The following NFIA variants were observed in gnomAD, a reference collection of about 807,000 sequenced individuals.
The protein encoded by NFIA is nuclear factor I A.
Under a neutral mutation model 62.8 loss-of-function variants are expected in NFIA, and 8 were observed. That is an observed-to-expected ratio of 0.13 (90% confidence interval 0.07 to 0.23). The LOEUF is 0.23. Among genes scored for constraint, NFIA ranks in the 10% least tolerant of loss-of-function variants. NFIA has a pLI of 1.00. For missense variants in NFIA, 410 were observed against 642.1 expected (o/e 0.64, Z 3.91); for synonymous variants, 235 against 238.1 (o/e 0.99, Z 0.12).
chr1:61,115,683 G>T (rs962104656), intron 2 of NFIA, among the ~76,000 whole-genome samples: 5 of 152,210 alleles, frequency 3.3e-5, no homozygotes, highest in Non-Finnish European at 5.9e-5. Flanking sequence ...AAGCACCCGT[G>T]CTTTACCTCG....
At chr1:61,321,129 A>G (rs1021477124) in intron 3 of NFIA, among the ~76,000 whole-genome samples, 1 of 151,888 alleles carries the variant, frequency 6.6e-6, no homozygotes, top group African/African-American at 2.4e-5. Context: ...TTAATTTTAA[A>G]ATATTAAGCT....
intron 2 of NFIA, among the ~76,000 whole-genome samples, chr1:61,187,424 A>G (rs1651272700): frequency 6.6e-6 from 1 of 151,980 alleles, no homozygotes; most frequent in South Asian, 2.1e-4. Flanking sequence ...TTTAAAAATT[A>G]CTCTTCTCGT....
At chr1:61,195,382 G>A (rs534112641) in intron 2 of NFIA, among the ~76,000 whole-genome samples, 12 of 152,060 alleles carry the variant, frequency 7.9e-5, no homozygotes, top group Admixed American at 5.9e-4. Flanking sequence ...CCAAGGAGCC[G>A]GAAGTCTTTC....
At chr1:61,176,424 TTCATC>T (rs1650350458) in intron 2 of NFIA, among the ~76,000 whole-genome samples, 1 of 152,208 alleles carries the variant, frequency 6.6e-6, no homozygotes, top group Non-Finnish European at 1.5e-5. Flanking sequence ...AGGTTCCCCT[TTCATC>T]TCAGCAGATG....
intron 2 of NFIA, among the ~76,000 whole-genome samples, chr1:61,177,585 A>G (rs1413037248): frequency 6.6e-6 from 1 of 152,140 alleles, no homozygotes; most frequent in Non-Finnish European, 1.5e-5. Flanking sequence ...AGATCCTCAG[A>G]TATGTTCTGA....
chr1:61,310,900 C>T (rs1370784825), intron 3 of NFIA, among the ~76,000 whole-genome samples: 1 of 152,054 alleles, frequency 6.6e-6, no homozygotes, highest in South Asian at 2.1e-4. Flanking sequence ...GGGTGGTGAG[C>T]CCACTGTGTG....
intron 2 of NFIA, among the ~76,000 whole-genome samples, chr1:61,134,381 A>G (rs1300111693): frequency 1.3e-5 from 2 of 151,942 alleles, no homozygotes; most frequent in Non-Finnish European, 2.9e-5. Flanking sequence ...CTCTGTTCTT[A>G]CTAAGCCTCT....
chr1:61,412,817 G>A (rs962133683), intron 9 of NFIA, among the ~76,000 whole-genome samples: 7 of 152,112 alleles, frequency 4.6e-5, no homozygotes, highest in African/African-American at 1.7e-4. Flanking sequence ...TCTGGCATGG[G>A]ACAAAGCTTT....
intron 2 of NFIA, among the ~76,000 whole-genome samples, chr1:61,208,967 G>A (rs1653066155): frequency 1.3e-5 from 2 of 152,142 alleles, no homozygotes; most frequent in Admixed American, 1.3e-4. Flanking sequence ...AACAGTAACA[G>A]CCCCTTTAAT....
intron 10 of NFIA, among the ~76,000 whole-genome samples, chr1:61,448,150 C>T (rs945750731): frequency 6.6e-6 from 1 of 152,076 alleles, no homozygotes. Flanking sequence ...CTGACTACCC[C>T]CTCCCTTCCT....
chr1:61,198,453 T>C (rs1474521802), intron 2 of NFIA, among the ~76,000 whole-genome samples: 2 of 152,192 alleles, frequency 1.3e-5, no homozygotes, highest in Non-Finnish European at 2.9e-5. Flanking sequence ...GAGCACCCCC[T>C]GCAAGGGTGA....
intron 2 of NFIA, among the ~76,000 whole-genome samples, chr1:61,142,696 C>T (rs886139287): frequency 2.0e-5 from 3 of 152,168 alleles, no homozygotes; most frequent in Non-Finnish European, 2.9e-5. Context: ...CAAATATATA[C>T]ACAGTAGATA....
At chr1:61,184,498 A>G (rs1234214927) in intron 2 of NFIA, among the ~76,000 whole-genome samples, 2 of 152,260 alleles carry the variant, frequency 1.3e-5, no homozygotes, top group Non-Finnish European at 2.9e-5. Flanking sequence ...GTCTCTGAGC[A>G]CTTGAGCTTT....
chr1:61,210,814 C>T (rs1355560350), intron 2 of NFIA, among the ~76,000 whole-genome samples: 5 of 152,182 alleles, frequency 3.3e-5, no homozygotes, highest in South Asian at 2.1e-4. Context: ...TTCCTTGGCT[C>T]TCTTGGCTCC....
At chr1:61,133,899 T>C (rs1400603602) in intron 2 of NFIA, among the ~76,000 whole-genome samples, 3 of 151,986 alleles carry the variant, frequency 2.0e-5, no homozygotes, top group Non-Finnish European at 4.4e-5. Flanking sequence ...CCTAGCACTT[T>C]GGGAGGCTGA....
chr1:61,267,524 T>A (rs1657249996), intron 2 of NFIA, among the ~76,000 whole-genome samples: 1 of 150,958 alleles, frequency 6.6e-6, no homozygotes. Flanking sequence ...AAAAAAAAAT[T>A]GGATACTTTA....
intron 4 of NFIA, 29 bp downstream of exon 4, chr1:61,332,615 C>A (rs763615544): frequency 6.3e-7 from 1 of 1,597,546 alleles, no homozygotes; most frequent in East Asian, 2.2e-5. Flanking sequence ...TGATTTGGTA[C>A]AGATTTGCCT....
At chr1:61,237,000 C>T (rs1376911348) in intron 2 of NFIA, among the ~76,000 whole-genome samples, 1 of 152,126 alleles carries the variant, frequency 6.6e-6, no homozygotes, top group African/African-American at 2.4e-5. Context: ...AACCCTTCTT[C>T]TCAAGTCCAG....
At chr1:61,136,618 G>A (rs1647194830) in intron 2 of NFIA, among the ~76,000 whole-genome samples, 1 of 152,126 alleles carries the variant, frequency 6.6e-6, no homozygotes, top group Non-Finnish European at 1.5e-5. Context: ...ATTTTATTAT[G>A]TTGTTCTAAA....
Sources: allele counts gnomAD v4.1 joint callset (sites outside exome capture counted in the v4.1 genomes callset), GRCh38; gene constraint gnomAD v4.1.1; transcripts MANE v1.5; gene names NCBI Gene and HGNC (gene_info 2026-07-23, HGNC 2026-07-21).